Variants in TRPC6 observed in about 807,000 individuals in gnomAD.
The protein encoded by TRPC6 is short transient receptor potential channel 6.
Under a neutral mutation model 90.7 loss-of-function variants are expected in TRPC6, and 55 were observed. The ratio of observed to expected loss-of-function variants is 0.61; its 90% CI spans 0.49 to 0.76. The LOEUF (loss-of-function observed/expected upper bound fraction) is 0.76, where lower values mean the gene tolerates loss of function less well. TRPC6 is among the 30% of genes least tolerant of loss of function. TRPC6 has a pLI of 0.00. For missense variants in TRPC6, 989 were observed against 1,122.7 expected (o/e 0.88, Z 1.70); for synonymous variants, 393 against 393.0 (o/e 1.00, Z 0.00).
chr11:101,583,335 A>G lies in TRPC6; in HGVS notation c.169T>C (p.Phe57Leu), dbSNP rs753857142. The change falls in exon 1 of 13, where the codon TTC becomes CTC. Residue 57 changes from phenylalanine to leucine, a missense_variant and splice_region_variant. Around this residue, in one of 4 missense-constraint regions of TRPC6, gnomAD observed 194 missense variants for 136.5 expected, o/e 1.42. Coordinates refer to ENST00000344327, the MANE Select transcript of TRPC6 (RefSeq NM_004621.6). ...CCGCCCCGCGTCGCCGGCACTCACA[A>G]GCAGGGGTAGTAGCCGTAGCAAGGC... ...PLPCYGYYPC[F>L]RGSDNRLAHR... 5.0e-6 allele frequency: 8 copies of G among 1,585,836 alleles called. No homozygotes were observed. The South Asian group carries it at 9.1e-5, about 18-fold the overall frequency.
chr11:101,514,704 A>C (rs1411341818), intron 1 of TRPC6, among the ~76,000 whole-genome samples: 4 of 152,192 alleles, frequency 2.6e-5, no homozygotes, highest in Non-Finnish European at 4.4e-5. Context: ...GTAATTCCTT[A>C]ACAACTCAGG....
At chr11:101,512,536 C>T (rs1242157078) in intron 1 of TRPC6, among the ~76,000 whole-genome samples, 1 of 152,012 alleles carries the variant, frequency 6.6e-6, no homozygotes, top group African/African-American at 2.4e-5. Flanking sequence ...TTTAGTTTCT[C>T]CTTGGTGGTT....
chr11:101,452,990 A>G lies in TRPC6; in HGVS notation c.2761T>C (p.Ser921Pro), dbSNP rs777174596. Residue 921 changes from serine to proline, a missense_variant, in exon 13 of 13, where the codon TCC (serine) becomes CCC (proline). Ser to Pro is a moderately conservative substitution (Grantham distance 74, BLOSUM62 -1). Transcript: ENST00000344327. Reference protein sequence around the residue: ...ELIRELGEKLSMEPNQEETNR With the variant: ...ELIRELGEKLPMEPNQEETNR ...GTTTCCTCTTGATTTGGTTCCATGG[A>G]TAATTTCTCTCCAAGTTCTCTAATA... 6.2e-7 allele frequency: 1 copy of G among 1,613,914 alleles called. No homozygotes were observed. Among genetic ancestry groups the G allele is most frequent in the Non-Finnish European group, 8.5e-7 (1 of 1,179,866 alleles).
chr11:101,551,844 T>C (rs1200001569), intron 1 of TRPC6, among the ~76,000 whole-genome samples: 2 of 152,210 alleles, frequency 1.3e-5, no homozygotes, highest in East Asian at 1.9e-4. Context: ...GTCATGGTTA[T>C]TGCTCATTAC....
chr11:101,496,314 T>A (rs1018634098), intron 2 of TRPC6, among the ~76,000 whole-genome samples: 1 of 152,164 alleles, frequency 6.6e-6, no homozygotes, highest in African/African-American at 2.4e-5. Flanking sequence ...AGTGTTGCAT[T>A]GGCCAACCAT....
At chr11:101,503,658 A>G (rs1008938155) in intron 2 of TRPC6, among the ~76,000 whole-genome samples, 1 of 152,182 alleles carries the variant, frequency 6.6e-6, no homozygotes, top group African/African-American at 2.4e-5. Flanking sequence ...TGGGCTTTTC[A>G]GAGTGCAGTA....
At position 101,469,419 on chromosome 11, in the gene TRPC6, G is replaced by T. The variant is rs764087444; in HGVS notation, c.2484+8C>A. 1.3e-6 allele frequency: 1 copy of T among 768,178 alleles called. No homozygotes were observed. The highest frequency in any genetic ancestry group is 2.4e-6 in the Non-Finnish European group (1 of 410,880). 47.6% of individuals were successfully genotyped at this position (768,178 alleles called of 1,614,324 possible). A position where few individuals can be genotyped will look rare whatever the true frequency, so the allele number is the denominator to read the frequency against. On this transcript the variant is annotated splice_region_variant and intron_variant, in intron 10 of 12. Coordinates refer to ENST00000344327, the MANE Select transcript of TRPC6 (RefSeq NM_004621.6). The stretch of plus-strand genomic sequence containing the variant: ...TGCATGACTTCATATTTTCAAATAT[G>T]AGCTTACCTGTTTTTTGTCAAGTGA...
chr11:101,549,465 C>T (rs1861403602), intron 1 of TRPC6, among the ~76,000 whole-genome samples: 1 of 151,384 alleles, frequency 6.6e-6, no homozygotes, highest in African/African-American at 2.4e-5. Context: ...AAAGGCAAGT[C>T]AACATTTATC....
At chr11:101,558,562 T>G (rs1565243780) in intron 1 of TRPC6, among the ~76,000 whole-genome samples, 1 of 151,758 alleles carries the variant, frequency 6.6e-6, no homozygotes, top group Non-Finnish European at 1.5e-5. Flanking sequence ...GATTGATTTT[T>G]TGTGTGTTTG....
chr11:101,545,273 A>G (rs981421987), intron 1 of TRPC6, among the ~76,000 whole-genome samples: 8 of 152,198 alleles, frequency 5.3e-5, no homozygotes, highest in African/African-American at 1.9e-4. Flanking sequence ...ACTATTACAC[A>G]GTATTTACAT....
At chr11:101,493,157 G>C (rs547593985) in intron 2 of TRPC6, among the ~76,000 whole-genome samples, 1 of 152,180 alleles carries the variant, frequency 6.6e-6, no homozygotes, top group Admixed American at 6.5e-5. Context: ...CCTATTAGCA[G>C]GGGTGTTCAA....
At chr11:101,470,223 A>C (rs992630678) in intron 9 of TRPC6, among the ~76,000 whole-genome samples, 1 of 152,182 alleles carries the variant, frequency 6.6e-6, no homozygotes, top group African/African-American at 2.4e-5. Context: ...AGATTTTCTT[A>C]TTAAAAGTTT....
chr11:101,514,988 C>T (rs951186447), intron 1 of TRPC6, among the ~76,000 whole-genome samples: 1 of 152,182 alleles, frequency 6.6e-6, no homozygotes, highest in African/African-American at 2.4e-5. Flanking sequence ...TGTGTCATCC[C>T]TCTGAGCCTC....
intron 1 of TRPC6, among the ~76,000 whole-genome samples, chr11:101,535,571 G>A (rs922312144): frequency 2.0e-5 from 3 of 152,128 alleles, no homozygotes; most frequent in African/African-American, 7.2e-5. Flanking sequence ...AAACTGGGCT[G>A]ACTAGGATAT....
intron 1 of TRPC6, among the ~76,000 whole-genome samples, chr11:101,543,859 G>A (rs1591124384): frequency 6.6e-6 from 1 of 152,104 alleles, no homozygotes; most frequent in Non-Finnish European, 1.5e-5. Context: ...AAAAGCAATG[G>A]CAACAAAAGC....
chr11:101,573,175 T>A (rs1189618112), intron 1 of TRPC6, among the ~76,000 whole-genome samples: 1 of 152,102 alleles, frequency 6.6e-6, no homozygotes, highest in African/African-American at 2.4e-5. Context: ...TACACTGAAA[T>A]CATTTTGTAT....
At chr11:101,576,496 C>T (rs1862073318) in intron 1 of TRPC6, among the ~76,000 whole-genome samples, 1 of 152,152 alleles carries the variant, frequency 6.6e-6, no homozygotes, top group African/African-American at 2.4e-5. Context: ...CAGTCAGTTC[C>T]AATGGCTTAA....
chr11:101,472,893 C>T (rs1404069637), intron 7 of TRPC6, among the ~76,000 whole-genome samples: 1 of 151,998 alleles, frequency 6.6e-6, no homozygotes, highest in Non-Finnish European at 1.5e-5. Context: ...AAACAGTAGG[C>T]TTACATTTCA....
Position 101,504,250 on chromosome 11 carries a change from C to A in TRPC6, c.719G>T (p.Arg240Leu), listed in dbSNP as rs755001257. Residue 240 changes from arginine (R) to leucine (L), a missense_variant, in exon 2 of 13, where the codon CGG becomes CTG. Transcript: ENST00000344327. The part of the protein sequence containing the change: ...QEYEIVHTLL[R>L]KGARIERPHD... ...AGGCCGTTCAATCCTAGCACCCTTCCGCAGGAGGGTATGCACAATTTCATA... is the reference window on the plus strand; with the variant it reads ...AGGCCGTTCAATCCTAGCACCCTTCAGCAGGAGGGTATGCACAATTTCATA... The A allele has an allele frequency of 6.2e-7, 1 of 1,613,908 alleles. No homozygotes were observed.
Sources: allele counts gnomAD v4.1 joint callset (sites outside exome capture counted in the v4.1 genomes callset), GRCh38; gene constraint gnomAD v4.1.1; regional missense constraint gnomAD v4.1.1; transcripts MANE v1.5; gene names NCBI Gene and HGNC (gene_info 2026-07-23, HGNC 2026-07-21).